PHKA1: variants seen among roughly 807,000 people sequenced by gnomAD.
PHKA1 encodes the protein phosphorylase b kinase regulatory subunit alpha, skeletal muscle isoform.
A neutral mutation model predicts 110.2 loss-of-function variants in PHKA1; 60 were observed. The observed-to-expected ratio is 0.54, with a 90% CI of 0.44 to 0.68. PHKA1 has a LOEUF of 0.68. Ranked by LOEUF, PHKA1 falls within the 30% of genes least tolerant of loss-of-function variation. PHKA1 has a pLI of 0.00. For missense variants in PHKA1, 801 were observed against 942.5 expected, an observed-to-expected ratio of 0.85 and a Z score of 1.97; for synonymous variants, 316 against 333.6, an observed-to-expected ratio of 0.95 and a Z score of 0.58.
intron 8 of PHKA1, 130 bp from the exon 9 acceptor site, chrX:72,657,771 C>CA (rs1312166031): frequency 4.1e-6 from 2 of 489,413 alleles, no homozygotes; most frequent in Non-Finnish European, 7.0e-6. Flanking sequence ...TGCTTAAAAC[C>CA]AAAAAACCTA....
At chrX:72,592,366 T>C (rs2052533387) in intron 29 of PHKA1, among the ~76,000 whole-genome samples, 1 of 112,397 alleles carries the variant, frequency 8.9e-6, no homozygotes, top group African/African-American at 3.2e-5. Flanking sequence ...AAGTCCTGGA[T>C]GAAGTGATCT....
At chrX:72,671,352 TA>T (rs1556309029) in intron 6 of PHKA1, among the ~76,000 whole-genome samples, 1 of 110,188 alleles carries the variant, frequency 9.1e-6, no homozygotes, top group East Asian at 2.8e-4. Flanking sequence ...TCAAAGAGAA[TA>T]AAATACCTAG....
At chrX:72,634,331 G>A (rs189189951) in intron 16 of PHKA1, among the ~76,000 whole-genome samples, 14 of 111,357 alleles carry the variant, frequency 1.3e-4, no homozygotes, top group African/African-American at 4.6e-4. Flanking sequence ...GCACTTTTGA[G>A]ATGTGACCAA....
At chrX:72,639,676 A>C (rs782058304) in intron 14 of PHKA1, among the ~76,000 whole-genome samples, 48 of 112,392 alleles carry the variant, frequency 4.3e-4, no homozygotes, top group African/African-American at 1.5e-3. Context: ...GAGAGTGTCC[A>C]CATCTCCACA....
intron 4 of PHKA1, among the ~76,000 whole-genome samples, chrX:72,688,004 T>C (rs1170542076): frequency 9.2e-6 from 1 of 109,097 alleles, no homozygotes; most frequent in Non-Finnish European, 1.9e-5. Flanking sequence ...TTTTTTTGTA[T>C]GTTTAGTAAA....
intron 29 of PHKA1, among the ~76,000 whole-genome samples, chrX:72,585,854 C>G (rs2052418819): frequency 8.9e-6 from 1 of 112,558 alleles, no homozygotes; most frequent in Non-Finnish European, 1.9e-5. Context: ...TGCAAGGCAG[C>G]AGCCTGGCTG....
intron 10 of PHKA1, among the ~76,000 whole-genome samples, chrX:72,655,584 T>C (rs1180313772): frequency 8.9e-6 from 1 of 112,520 alleles, no homozygotes; most frequent in Non-Finnish European, 1.9e-5. Context: ...AAGAAGTCAA[T>C]GATAATAGTT....
intron 22 of PHKA1, among the ~76,000 whole-genome samples, chrX:72,610,276 C>T (rs782444006): frequency 1.8e-5 from 2 of 110,835 alleles, no homozygotes; most frequent in Admixed American, 9.7e-5. Context: ...CCCCCACTCC[C>T]GACTACCCTT....
At chrX:72,704,781 A>G (rs782117104) in intron 3 of PHKA1, among the ~76,000 whole-genome samples, 2 of 111,111 alleles carry the variant, frequency 1.8e-5, no homozygotes, top group Non-Finnish European at 3.8e-5. Flanking sequence ...TGTAGAGACA[A>G]CGCTTCGCCA....
chrX:72,588,852 C>T (rs2052474501), intron 29 of PHKA1, among the ~76,000 whole-genome samples: 1 of 111,625 alleles, frequency 9.0e-6, no homozygotes, highest in Non-Finnish European at 1.9e-5. Context: ...TTCCTGGACA[C>T]ACACACCCTC....
At chrX:72,583,716 T>C (rs1246353340) in intron 30 of PHKA1, among the ~76,000 whole-genome samples, 2 of 112,600 alleles carry the variant, frequency 1.8e-5, no homozygotes, top group Non-Finnish European at 3.8e-5. Flanking sequence ...TCTGATAATC[T>C]ATGTCTGTGG....
chrX:72,657,412 A>C (rs782597127), intron 9 of PHKA1, among the ~76,000 whole-genome samples, 176 bp downstream of exon 9: 6 of 112,325 alleles, frequency 5.3e-5, no homozygotes, highest in South Asian at 3.7e-4. Context: ...AAAGGCCTAC[A>C]AACTGAGAAC....
At chrX:72,593,341 C>CG in intron 28 of PHKA1, 67 bp from the exon 29 acceptor site, 1 of 457,259 alleles carries the variant, frequency 2.2e-6, no homozygotes, top group East Asian at 6.3e-5. Flanking sequence ...AGTCTTTGAA[C>CG]TTTTTTTTTT....
chrX:72,627,078 C>G (rs1556283409), intron 16 of PHKA1, 29 bp from the exon 17 acceptor site: 1 of 1,089,697 alleles, frequency 9.2e-7, no homozygotes, highest in Non-Finnish European at 1.3e-6. Context: ...TTAAAACAAT[C>G]TTTGTGGTTT....
intron 17 of PHKA1, 113 bp from the exon 18 acceptor site, chrX:72,623,388 G>T: frequency 1.9e-6 from 1 of 536,804 alleles, no homozygotes; most frequent in South Asian, 3.2e-5. Context: ...TTACTAATGT[G>T]CATACATTAA....
chrX:72,656,936 TG>T (rs1404012244), intron 9 of PHKA1, among the ~76,000 whole-genome samples: 3 of 111,104 alleles, frequency 2.7e-5, no homozygotes, highest in African/African-American at 9.8e-5. Flanking sequence ...AAAAATAAAG[TG>T]GAAGAGGAAG....
chrX:72,646,638 T>C (rs1463983600), intron 13 of PHKA1, among the ~76,000 whole-genome samples: 1 of 111,270 alleles, frequency 9.0e-6, no homozygotes, highest in East Asian at 2.8e-4. Flanking sequence ...GGGGCAGTGA[T>C]AAAAAATGAA....
At chrX:72,623,032 T>C in intron 18 of PHKA1, 77 bp downstream of exon 18, 1 of 1,200,082 alleles carries the variant, frequency 8.3e-7, no homozygotes, top group Non-Finnish European at 1.1e-6. Context: ...GCTGGCAGCA[T>C]AAATTATTAA....
chrX:72,711,153 G>A lies in PHKA1; in HGVS notation c.237+1626C>T, dbSNP rs1000387651. Among the ~76,000 whole-genome samples, 6 of 110,365 alleles carry A rather than the reference G, an allele frequency of 5.4e-5. No individual in the cohort carries two copies. In the Admixed American group the frequency reaches 5.8e-4, roughly 11 times the overall value. ...TGGGATTACAGGCGTGAGCCACCGC[G>A]CCCGGCCTGTTAAATTCTTTATAAC... On this transcript the variant is annotated intron_variant, in intron 2 of 31. Coordinates refer to ENST00000373542, the MANE Select transcript of PHKA1 (RefSeq NM_002637.4).
Sources: allele counts gnomAD v4.1 joint callset (sites outside exome capture counted in the v4.1 genomes callset), GRCh38; gene constraint gnomAD v4.1.1; transcripts MANE v1.5; gene names NCBI Gene and HGNC (gene_info 2026-07-23, HGNC 2026-07-21).